The following CRB1 variants were observed in gnomAD, a reference collection of about 807,000 sequenced individuals.
The protein encoded by CRB1 is protein crumbs homolog 1.
CRB1 carries 83 observed loss-of-function variants against 120.0 expected under a neutral mutation model. That is an observed-to-expected ratio of 0.69 (90% CI 0.58 to 0.83). The LOEUF (loss-of-function observed/expected upper bound fraction) is 0.83, where lower values mean the gene tolerates loss of function less well. Ranked by LOEUF, CRB1 falls within the 40% of genes least tolerant of loss-of-function variation. The probability of loss-of-function intolerance (pLI) is 0.00; values close to 1 mark genes in which losing one functional copy is unlikely to be tolerated. For missense variants in CRB1, 1,699 were observed against 1,687.6 expected (o/e 1.01, Z -0.12); for synonymous variants, 625 against 612.5 (o/e 1.02, Z -0.30).
At chr1:197,355,490 G>A (rs750697471) in intron 4 of CRB1, among the ~76,000 whole-genome samples, 18 of 152,214 alleles carry the variant, frequency 1.2e-4, no homozygotes, top group Non-Finnish European at 1.9e-4. Context: ...GAGCCCTGGG[G>A]GATTGCGGGG....
At chr1:197,237,848 T>C in the CRB1 span, among the ~76,000 whole-genome samples, 1 of 152,158 alleles carries the variant, frequency 6.6e-6, no homozygotes, top group Non-Finnish European at 1.5e-5. Context: ...TTCAATTTTA[T>C]TGATTTCTGC....
intron 3 of CRB1, among the ~76,000 whole-genome samples, chr1:197,345,837 A>G (rs141107673): frequency 6.6e-6 from 1 of 152,252 alleles, no homozygotes; most frequent in East Asian, 1.9e-4. Context: ...ATGTGGTTGT[A>G]CATTCTTTTT....
chr1:197,226,355 C>T, the CRB1 span, among the ~76,000 whole-genome samples: 2 of 152,162 alleles, frequency 1.3e-5, no homozygotes, highest in Non-Finnish European at 2.9e-5. Flanking sequence ...AAATTAATTA[C>T]TTAAATAATT....
At chr1:197,254,967 C>T in the CRB1 span, among the ~76,000 whole-genome samples, 1 of 152,026 alleles carries the variant, frequency 6.6e-6, no homozygotes, top group South Asian at 2.1e-4. Context: ...ACAGTGACTT[C>T]ACTCACTGGA....
At chr1:197,312,491 A>T (rs1351264709) in intron 1 of CRB1, among the ~76,000 whole-genome samples, 3 of 152,244 alleles carry the variant, frequency 2.0e-5, no homozygotes, top group Non-Finnish European at 4.4e-5. Context: ...CTGAGGCAGG[A>T]GAACTGCCTG....
chr1:197,453,284 T>TAA (rs1429233294), intron 11 of CRB1, among the ~76,000 whole-genome samples: 1 of 139,524 alleles, frequency 7.2e-6, no homozygotes, highest in Non-Finnish European at 1.5e-5. Flanking sequence ...TATATATATA[T>TAA]AATTAAATTA....
chr1:197,373,318 G>A (rs1661471675), intron 5 of CRB1, among the ~76,000 whole-genome samples: 1 of 152,078 alleles, frequency 6.6e-6, no homozygotes, highest in Non-Finnish European at 1.5e-5. Flanking sequence ...TTGTCTTTAT[G>A]ATCTAAGACC....
chr1:197,292,251 A>G (rs1419077637), intron 1 of CRB1, among the ~76,000 whole-genome samples: 1 of 152,186 alleles, frequency 6.6e-6, no homozygotes, highest in Non-Finnish European at 1.5e-5. Flanking sequence ...CACCAATCCC[A>G]CAGAAGTACA....
chr1:197,396,427 A>C (rs1322937826), intron 5 of CRB1, among the ~76,000 whole-genome samples: 3 of 152,166 alleles, frequency 2.0e-5, no homozygotes. Flanking sequence ...AATGTAATCC[A>C]AATGAAAATA....
At chr1:197,201,589 G>T in the CRB1 span, among the ~76,000 whole-genome samples, 1 of 152,220 alleles carries the variant, frequency 6.6e-6, no homozygotes, top group African/African-American at 2.4e-5. Flanking sequence ...GATCGAAACC[G>T]TGAGGCTTTT....
At chr1:197,422,940 A>T (rs1383505762) in intron 6 of CRB1, 1 of 152,164 alleles carries the variant, frequency 6.6e-6, no homozygotes, top group Non-Finnish European at 1.5e-5. Context: ...GAAACTACTC[A>T]AGGGTTTCCC....
intron 4 of CRB1, among the ~76,000 whole-genome samples, chr1:197,355,668 G>A (rs916056860): frequency 8.5e-5 from 13 of 152,160 alleles, no homozygotes; most frequent in African/African-American, 2.9e-4. Context: ...CGTGGGCAGC[G>A]GCGCCCACCG....
At chr1:197,396,908 C>T (rs1328726654) in intron 5 of CRB1, among the ~76,000 whole-genome samples, 1 of 151,830 alleles carries the variant, frequency 6.6e-6, no homozygotes. Flanking sequence ...AAAATTATAC[C>T]TAAAAAAGTA....
intron 4 of CRB1, among the ~76,000 whole-genome samples, chr1:197,354,018 G>C (rs1407448896): frequency 1.4e-5 from 2 of 142,680 alleles, no homozygotes; most frequent in East Asian, 4.0e-4. Context: ...AATATGAAAT[G>C]GTAAAAAAAA....
intron 5 of CRB1, among the ~76,000 whole-genome samples, chr1:197,401,360 T>C (rs977103388): frequency 1.1e-4 from 17 of 152,274 alleles, no homozygotes; most frequent in African/African-American, 4.1e-4. Context: ...TCTCCTCTAA[T>C]TACCAAGGTC....
intron 11 of CRB1, among the ~76,000 whole-genome samples, chr1:197,446,536 A>G (rs1665709896): frequency 6.6e-6 from 1 of 152,208 alleles, no homozygotes; most frequent in Non-Finnish European, 1.5e-5. Flanking sequence ...CATAAGAGAA[A>G]TGGAGAATCC....
chr1:197,377,078 C>A (rs1437654473), intron 5 of CRB1, among the ~76,000 whole-genome samples: 1 of 152,110 alleles, frequency 6.6e-6, no homozygotes, highest in African/African-American at 2.4e-5. Context: ...CCAGAGAGGT[C>A]TATCTAAACC....
At chr1:197,222,557 A>G in the CRB1 span, 2 of 768,082 alleles carry the variant, frequency 2.6e-6, no homozygotes, top group African/African-American at 1.7e-5. Flanking sequence ...TTCGCTCTTT[A>G]TTTTCTGACG....
the CRB1 span, among the ~76,000 whole-genome samples, chr1:197,254,286 C>T: frequency 6.6e-6 from 1 of 151,924 alleles, no homozygotes; most frequent in Non-Finnish European, 1.5e-5. Flanking sequence ...CTTTTTTGGC[C>T]ATTCCTTGTC....
Sources: gnomAD v4.1 joint callset for allele counts (sites outside exome capture counted in the v4.1 genomes callset) on GRCh38, gnomAD v4.1.1 for gene constraint, MANE v1.5 for transcripts, NCBI Gene and HGNC (gene_info 2026-07-23, HGNC 2026-07-21) for gene names.